Variants in SGCZ observed in about 807,000 individuals in gnomAD.
SGCZ encodes zeta-sarcoglycan.
In SGCZ, 40 loss-of-function variants were observed where a neutral mutation model predicts 41.3. The observed-to-expected ratio is 0.97, with a 90% CI of 0.75 to 1.26. The LOEUF is 1.26. Ranked by LOEUF, SGCZ falls within the 50% of genes most tolerant of loss-of-function variation. SGCZ has a pLI of 0.00. For synonymous variants in SGCZ, 206 were observed against 137.5 expected (o/e 1.50, Z -3.49); for missense variants, 552 against 369.8 (o/e 1.49, Z -4.04).
At chr8:14,241,221 C>T (rs868699972) in intron 3 of SGCZ, among the ~76,000 whole-genome samples, 7 of 151,520 alleles carry the variant, frequency 4.6e-5, no homozygotes, top group South Asian at 2.1e-4. Flanking sequence ...ATTTTGAAAG[C>T]GAATATGTGG....
rs530026366 is a variant in SGCZ at position 15,168,511 on chromosome 8, C to T, written c.39+69074G>A. 1.8e-4 allele frequency among the ~76,000 whole-genome samples: 27 copies of T among 152,234 alleles called. No homozygotes were observed. The South Asian group carries it at 5.6e-3, about 32-fold the overall frequency. ...CATGGGCGTGAGCTGCTTTGGTACT[C>T]ATGGCAGTACCTGCCAAGGTCGCTG... On this transcript the variant is annotated intron_variant, in intron 1 of 7. Coordinates refer to ENST00000382080, the MANE Select transcript of SGCZ (RefSeq NM_139167.4).
At chr8:15,100,641 C>A (rs957822034) in intron 1 of SGCZ, among the ~76,000 whole-genome samples, 4 of 152,086 alleles carry the variant, frequency 2.6e-5, no homozygotes, top group African/African-American at 9.7e-5. Context: ...ATAGCCAACA[C>A]AATACTGAAG....
At chr8:14,973,044 G>C (rs1320644939) in intron 1 of SGCZ, among the ~76,000 whole-genome samples, 1 of 152,062 alleles carries the variant, frequency 6.6e-6, no homozygotes. Context: ...CTAATTTACT[G>C]TGTGCTGGAT....
chr8:14,931,361 T>A (rs1799918648), intron 1 of SGCZ, among the ~76,000 whole-genome samples: 1 of 152,130 alleles, frequency 6.6e-6, no homozygotes, highest in East Asian at 1.9e-4. Context: ...TCCTACTTTG[T>A]TATTTGTGTT....
chr8:14,706,026 T>C (rs1809321912), intron 1 of SGCZ, among the ~76,000 whole-genome samples: 1 of 152,028 alleles, frequency 6.6e-6, no homozygotes, highest in Admixed American at 6.6e-5. Context: ...AAATACAAAA[T>C]ATAAAAGAAA....
At chr8:14,296,913 T>C (rs1202574360) in intron 3 of SGCZ, among the ~76,000 whole-genome samples, 1 of 152,136 alleles carries the variant, frequency 6.6e-6, no homozygotes, top group Non-Finnish European at 1.5e-5. Context: ...AAAATATTTT[T>C]AACTGAATAA....
chr8:14,584,971 C>T (rs1805012198), intron 1 of SGCZ, among the ~76,000 whole-genome samples: 1 of 152,022 alleles, frequency 6.6e-6, no homozygotes, highest in Non-Finnish European at 1.5e-5. Context: ...AAATCTTGAG[C>T]CCAGGTACTT....
chr8:15,189,155 C>T (rs559372866), intron 1 of SGCZ, among the ~76,000 whole-genome samples: 1 of 152,176 alleles, frequency 6.6e-6, no homozygotes, highest in South Asian at 2.1e-4. Flanking sequence ...TCTGCATTTC[C>T]TTCAGTTTAG....
At position 15,137,115 on chromosome 8, in the gene SGCZ, C is replaced by G. The variant is rs180934023; in HGVS notation, c.39+100470G>C. 4.3e-4 allele frequency among the ~76,000 whole-genome samples: 65 copies of G among 152,216 alleles called. No homozygotes were observed. The South Asian group carries it at 8.5e-3, about 20-fold the overall frequency. ...ACAATAAAGTCCAGGCTGAGATGGT[C>G]TTAGAGGGAGATAAGGAACTTGTTA... On this transcript the variant is annotated intron_variant, in intron 1 of 7. Transcript: ENST00000382080.
At chr8:14,396,741 T>G (rs1390573660) in intron 2 of SGCZ, among the ~76,000 whole-genome samples, 1 of 152,026 alleles carries the variant, frequency 6.6e-6, no homozygotes, top group African/African-American at 2.4e-5. Context: ...ATTTTTGAGC[T>G]CAGATGAATA....
intron 1 of SGCZ, among the ~76,000 whole-genome samples, chr8:15,087,991 G>A (rs1166318732): frequency 6.8e-6 from 1 of 146,864 alleles, no homozygotes; most frequent in African/African-American, 2.7e-5. Context: ...TACCTCATAT[G>A]TCATTTCTGA....
intron 1 of SGCZ, among the ~76,000 whole-genome samples, chr8:15,064,994 C>A (rs954461894): frequency 1.3e-5 from 2 of 152,114 alleles, no homozygotes; most frequent in African/African-American, 2.4e-5. Context: ...CATCCCAAGT[C>A]TCCAGGCTTC....
chr8:14,627,721 A>G (rs1247437895), intron 1 of SGCZ, among the ~76,000 whole-genome samples: 2 of 151,386 alleles, frequency 1.3e-5, no homozygotes, highest in African/African-American at 2.4e-5. Flanking sequence ...CTGTATAGGA[A>G]AAACATATTC....
At chr8:14,666,420 C>T (rs1807912230) in intron 1 of SGCZ, among the ~76,000 whole-genome samples, 1 of 152,120 alleles carries the variant, frequency 6.6e-6, no homozygotes, top group South Asian at 2.1e-4. Flanking sequence ...TAATTGGTGA[C>T]CAGATGCAGT....
At chr8:15,024,192 T>A (rs11780017) in intron 1 of SGCZ, among the ~76,000 whole-genome samples, 1 of 152,140 alleles carries the variant, frequency 6.6e-6, no homozygotes, top group East Asian at 1.9e-4. Flanking sequence ...CCAGGCACCA[T>A]AAACAAATAC....
At chr8:14,284,703 T>A (rs1800565317) in intron 3 of SGCZ, among the ~76,000 whole-genome samples, 1 of 152,200 alleles carries the variant, frequency 6.6e-6, no homozygotes, top group Non-Finnish European at 1.5e-5. Context: ...TGCACCTTGT[T>A]ACTCAAACCA....
rs534623605 is a variant in SGCZ at position 15,097,832 on chromosome 8, A to G, written c.39+139753T>C. On this transcript the variant is annotated intron_variant, in intron 1 of 7. Coordinates refer to ENST00000382080, the MANE Select transcript of SGCZ (RefSeq NM_139167.4). ...TATATATACGTGTGTGTATATATAT[A>G]TACGTGTGTGTATATATATATATAC... 9.2e-3 allele frequency among the ~76,000 whole-genome samples: 573 copies of G among 61,998 alleles called. 27 individuals carry two copies. Among genetic ancestry groups the G allele is most frequent in the African/African-American group, 0.033 (538 of 16,410 alleles). The allele number at this position is 61,998 out of a possible 152,430, so 40.7% of individuals were successfully genotyped here.
intron 1 of SGCZ, among the ~76,000 whole-genome samples, chr8:14,769,394 C>G (rs369977465): frequency 1.3e-5 from 2 of 152,124 alleles, no homozygotes; most frequent in Non-Finnish European, 2.9e-5. Context: ...GAGGACAGAA[C>G]TTTTTTTAAA....
At chr8:14,357,955 G>T (rs545964094) in intron 2 of SGCZ, among the ~76,000 whole-genome samples, 4 of 152,140 alleles carry the variant, frequency 2.6e-5, no homozygotes, top group Non-Finnish European at 5.9e-5. Context: ...GAGCACAGAA[G>T]AAAATAACCA....
Sources: allele counts gnomAD v4.1 joint callset (sites outside exome capture counted in the v4.1 genomes callset), GRCh38; gene constraint gnomAD v4.1.1; transcripts MANE v1.5; gene names NCBI Gene and HGNC (gene_info 2026-07-23, HGNC 2026-07-21).